Variants in MBNL3 observed in about 807,000 individuals in gnomAD.
MBNL3 encodes muscleblind like splicing regulator 3.
In MBNL3, 6 loss-of-function variants were observed where a neutral mutation model predicts 24.5. That is an observed-to-expected ratio of 0.25 (90% confidence interval 0.13 to 0.48). The LOEUF is 0.48. MBNL3 is among the 20% of genes least tolerant of loss of function. The pLI is 0.99. For synonymous variants in MBNL3, 100 were observed against 101.7 expected (o/e 0.98, Z 0.10); for missense variants, 230 against 293.5 (o/e 0.78, Z 1.58).
At chrX:132,466,359 TTCC>T (rs1946885030) in intron 1 of MBNL3, among the ~76,000 whole-genome samples, 1 of 112,160 alleles carries the variant, frequency 8.9e-6, no homozygotes, top group South Asian at 3.7e-4. Context: ...GTCTATCTTC[TTCC>T]TCACTGGCAG....
chrX:132,463,235 G>A (rs1003771611), intron 1 of MBNL3, among the ~76,000 whole-genome samples: 1 of 112,194 alleles, frequency 8.9e-6, no homozygotes. Flanking sequence ...GCTGAGGTGG[G>A]TGGATCACCT....
At chrX:132,424,537 T>C (rs1268562042) in intron 2 of MBNL3, among the ~76,000 whole-genome samples, 2 of 112,088 alleles carry the variant, frequency 1.8e-5, no homozygotes, top group Admixed American at 1.9e-4. Flanking sequence ...GAGGAGTTTA[T>C]AATGAAAAAT....
At chrX:132,433,400 C>T (rs1944901875) in intron 2 of MBNL3, among the ~76,000 whole-genome samples, 1 of 111,815 alleles carries the variant, frequency 8.9e-6, no homozygotes, top group Non-Finnish European at 1.9e-5. Flanking sequence ...CCCTGGGAGA[C>T]ATGCAAAGAG....
intron 2 of MBNL3, among the ~76,000 whole-genome samples, chrX:132,426,184 A>G (rs1007400441): frequency 1.8e-5 from 2 of 112,255 alleles, no homozygotes; most frequent in Non-Finnish European, 3.8e-5. Flanking sequence ...CCTAACGTGT[A>G]CTAGGCACAA....
chrX:132,394,893 A>G (rs916370272), intron 3 of MBNL3, among the ~76,000 whole-genome samples: 2 of 112,132 alleles, frequency 1.8e-5, no homozygotes, highest in Admixed American at 9.5e-5. Context: ...AAGGCTATAA[A>G]TTAATGATTG....
At chrX:132,462,373 A>G (rs1297104727) in intron 1 of MBNL3, among the ~76,000 whole-genome samples, 1 of 112,524 alleles carries the variant, frequency 8.9e-6, no homozygotes, top group Non-Finnish European at 1.9e-5. Flanking sequence ...GTTTTCAAAA[A>G]TTCAGTAGAA....
At chrX:132,466,779 G>C (rs907510139) in intron 1 of MBNL3, among the ~76,000 whole-genome samples, 2 of 111,707 alleles carry the variant, frequency 1.8e-5, no homozygotes, top group Admixed American at 1.9e-4. Context: ...GAATGTCACA[G>C]AGCACCAATG....
intron 5 of MBNL3, among the ~76,000 whole-genome samples, chrX:132,387,315 C>A (rs1192503756): frequency 1.1e-5 from 1 of 91,582 alleles, no homozygotes; most frequent in Non-Finnish European, 2.2e-5. Context: ...ACTACATGAG[C>A]AGTAGTGCAA....
At chrX:132,396,594 A>G (rs1256285010) in intron 3 of MBNL3, among the ~76,000 whole-genome samples, 1 of 53,298 alleles carries the variant, frequency 1.9e-5, no homozygotes, top group Non-Finnish European at 3.1e-5. Context: ...ATATATTCCT[A>G]TATATATTCC....
At chrX:132,437,697 C>T (rs1308949829) in intron 2 of MBNL3, among the ~76,000 whole-genome samples, 1 of 111,423 alleles carries the variant, frequency 9.0e-6, no homozygotes, top group Non-Finnish European at 1.9e-5. Flanking sequence ...TGAAAGATAC[C>T]TCATTTTTCC....
intron 1 of MBNL3, among the ~76,000 whole-genome samples, chrX:132,487,338 C>A (rs1352341472): frequency 9.0e-6 from 1 of 111,528 alleles, no homozygotes; most frequent in Non-Finnish European, 1.9e-5. Context: ...CAGGAACTCT[C>A]ATTTTAGACA....
At chrX:132,488,192 TA>T (rs1185920848) in intron 1 of MBNL3, among the ~76,000 whole-genome samples, 1 of 110,673 alleles carries the variant, frequency 9.0e-6, no homozygotes, top group African/African-American at 3.3e-5. Flanking sequence ...TTATCTGTTT[TA>T]TCTATCATCT....
intron 2 of MBNL3, among the ~76,000 whole-genome samples, chrX:132,435,941 A>C (rs991854656): frequency 8.0e-5 from 9 of 112,010 alleles, no homozygotes; most frequent in African/African-American, 2.9e-4. Flanking sequence ...TTCAAGTATA[A>C]AGGGAAAGGT....
chrX:132,435,145 C>T (rs776500700), intron 2 of MBNL3, among the ~76,000 whole-genome samples: 1 of 111,387 alleles, frequency 9.0e-6, no homozygotes, highest in East Asian at 2.8e-4. Context: ...TTTGCCATTG[C>T]TTTCATGGCA....
chrX:132,464,762 C>T (rs776712613), intron 1 of MBNL3, among the ~76,000 whole-genome samples: 7 of 111,700 alleles, frequency 6.3e-5, no homozygotes, highest in Admixed American at 9.5e-5. Flanking sequence ...ACCATCTGGC[C>T]GGTGCGGTGG....
At position 132,375,360 on chromosome X, in the gene MBNL3, A is replaced by AC. The variant is rs1471946535; in HGVS notation, c.*4305dup. The AC allele has an allele frequency of 9.0e-6, 1 of 111,663 alleles. No individual in the cohort carries two copies. Among genetic ancestry groups the AC allele is most frequent in the Non-Finnish European group, 1.9e-5 (1 of 52,950 alleles). The allele number at this position is 111,663 out of a possible 1,213,427, so 9.2% of individuals were successfully genotyped here. A position where few individuals can be genotyped will look rare whatever the true frequency, so the allele number is the denominator to read the frequency against. On this transcript the variant is annotated 3_prime_UTR_variant, in exon 9 of 9. Transcript: ENST00000370853. ...TGGACTATAATCTGTATCTTGTCAT[A>AC]CTTCAGTGTCAGTTCAGAACCTAGC...
At chrX:132,411,276 A>G in intron 2 of MBNL3, 6 of 753,770 alleles carry the variant, frequency 8.0e-6, no homozygotes, top group Non-Finnish European at 7.8e-6. Context: ...ACCAGATAAC[A>G]AGTTTGAATA....
chrX:132,448,163 C>G (rs1333271790), intron 1 of MBNL3, among the ~76,000 whole-genome samples: 1 of 110,453 alleles, frequency 9.1e-6, no homozygotes, highest in Non-Finnish European at 1.9e-5. Flanking sequence ...CAGTATTTTA[C>G]TGAGAATATT....
Position 132,439,566 on chromosome X carries a change from T to C in MBNL3, c.46A>G (p.Thr16Ala), listed in dbSNP as rs752548547. The C allele has an allele frequency of 1.7e-6, 2 of 1,206,244 alleles. No homozygotes were observed. The highest frequency in any genetic ancestry group is 5.9e-5 in the East Asian group (2 of 33,676). ...TGAAATTCTCTACAGACTTCTAAAG[T>C]CAGCCACTTGGTATCACGAATCAGG... Reference protein sequence around the residue: ...VALIRDTKWLTLEVCREFQRG... With the variant: ...VALIRDTKWLALEVCREFQRG... Residue 16 changes from threonine (T) to alanine (A), a missense_variant, in exon 2 of 9, where the codon ACT (threonine) becomes GCT (alanine). By Grantham distance (58) the Thr-to-Ala change is moderately conservative. Transcript: ENST00000370853.
Sources: gnomAD v4.1 joint callset for allele counts (sites outside exome capture counted in the v4.1 genomes callset) on GRCh38, gnomAD v4.1.1 for gene constraint, MANE v1.5 for transcripts, NCBI Gene and HGNC (gene_info 2026-07-23, HGNC 2026-07-21) for gene names.